Variants in ATRX observed in about 807,000 individuals in gnomAD.
ATRX encodes the protein ATRX chromatin remodeler.
A neutral mutation model predicts 172.6 loss-of-function variants in ATRX; 12 were observed. The ratio of observed to expected loss-of-function variants is 0.07; its 90% confidence interval spans 0.04 to 0.11. ATRX has a LOEUF of 0.11. ATRX is among the 10% of genes least tolerant of loss of function. The pLI is 1.00. For missense variants in ATRX, 1,368 were observed against 1,767.4 expected, an observed-to-expected ratio of 0.77 and a Z score of 4.05; for synonymous variants, 674 against 594.7, an observed-to-expected ratio of 1.13 and a Z score of -1.94.
Position 77,652,106 on chromosome X carries a change from T to A in ATRX, c.4557+8A>T. 8.3e-7 allele frequency: 1 copy of A among 1,207,340 alleles called. No homozygotes were observed. The highest frequency in any genetic ancestry group is 1.7e-5 in the African/African-American group (1 of 57,186). ...CAAAAGAAAAAGAAGAAGAAAGAAA[T>A]TAGTTACCTCTCTCAATTTTTCTCG... is the stretch of plus-strand genomic sequence containing the variant. On this transcript the variant is annotated splice_region_variant and intron_variant, in intron 15 of 34. Coordinates refer to ENST00000373344, the MANE Select transcript of ATRX (RefSeq NM_000489.6).
chrX:77,718,010 T>A (rs955851046), intron 1 of ATRX, among the ~76,000 whole-genome samples: 43 of 111,688 alleles, frequency 3.9e-4, no homozygotes, highest in African/African-American at 1.3e-3. Flanking sequence ...GGCACCTAAG[T>A]TATTATTTCC....
chrX:77,728,345 T>C (rs1377964989), intron 1 of ATRX, among the ~76,000 whole-genome samples: 1 of 112,420 alleles, frequency 8.9e-6, no homozygotes, highest in Non-Finnish European at 1.9e-5. Context: ...ACAGACATTT[T>C]ACATGAAAAT....
chrX:77,637,633 G>C (rs1202189009), intron 15 of ATRX, among the ~76,000 whole-genome samples: 3 of 110,703 alleles, frequency 2.7e-5, no homozygotes, highest in African/African-American at 6.6e-5. Flanking sequence ...AGAAACTCGT[G>C]ATTTTAAAAT....
intron 1 of ATRX, among the ~76,000 whole-genome samples, chrX:77,730,972 G>A (rs2074271520): frequency 9.3e-6 from 1 of 107,511 alleles, no homozygotes; most frequent in Admixed American, 1.0e-4. Context: ...AAATAATAAA[G>A]ATCAGAGTGA....
At chrX:77,608,706 A>C (rs1470222929) in intron 22 of ATRX, among the ~76,000 whole-genome samples, 1 of 112,272 alleles carries the variant, frequency 8.9e-6, no homozygotes, top group Non-Finnish European at 1.9e-5. Context: ...CCTCAAAAGC[A>C]GAAGCAACCA....
At chrX:77,633,855 G>GA in intron 17 of ATRX, 143 bp from the exon 18 acceptor site, 2 of 598,488 alleles carry the variant, frequency 3.3e-6, no homozygotes, top group South Asian at 6.0e-5. Context: ...CAGGGAAAGA[G>GA]ATAGTAAAAT....
At chrX:77,648,965 T>A (rs2069067728) in intron 15 of ATRX, among the ~76,000 whole-genome samples, 1 of 109,137 alleles carries the variant, frequency 9.2e-6, no homozygotes, top group Admixed American at 9.9e-5. Context: ...GGCCAGGGGG[T>A]CAAGACCAGC....
intron 13 of ATRX, among the ~76,000 whole-genome samples, 187 bp downstream of exon 13, chrX:77,656,373 A>AT (rs2069551854): frequency 8.9e-6 from 1 of 112,061 alleles, no homozygotes; most frequent in African/African-American, 3.2e-5. Flanking sequence ...GTTAGAATAC[A>AT]TAATTCAACT....
chrX:77,599,737 A>G lies in ATRX; in HGVS notation c.5781T>C (p.Tyr1927=). 1 of 1,206,333 alleles carries G rather than the reference A, an allele frequency of 8.3e-7. No homozygotes were observed. Among genetic ancestry groups the G allele is most frequent in the Non-Finnish European group, 1.1e-6 (1 of 890,890 alleles). ...CGAAAAAGTATTCGATTTACTTTGTATAATCATCGGAGCTTAAACTCATGG... is the reference window on the plus strand; with the variant it reads ...CGAAAAAGTATTCGATTTACTTTGTGTAATCATCGGAGCTTAAACTCATGG... The part of the protein sequence containing the change: ...ETSMSLSSDD[Y]TKKKKKGKKG... The change falls in exon 24 of 35, where the codon TAT becomes TAC. Residue 1927 remains tyrosine (Y), a synonymous_variant. Coordinates refer to ENST00000373344, the MANE Select transcript of ATRX (RefSeq NM_000489.6).
At chrX:77,763,810 T>G (rs1557194132) in intron 1 of ATRX, among the ~76,000 whole-genome samples, 1 of 111,451 alleles carries the variant, frequency 9.0e-6, no homozygotes, top group Non-Finnish European at 1.9e-5. Context: ...CTTGCAATTT[T>G]ACAGAATAAA....
intron 2 of ATRX, among the ~76,000 whole-genome samples, chrX:77,702,231 T>C (rs2072568773): frequency 9.0e-6 from 1 of 111,519 alleles, no homozygotes; most frequent in Admixed American, 9.5e-5. Context: ...TCACCAGAGG[T>C]CAGGAGTTCA....
At chrX:77,715,996 AC>A (rs1420949373) in intron 2 of ATRX, among the ~76,000 whole-genome samples, 2 of 109,751 alleles carry the variant, frequency 1.8e-5, no homozygotes, top group African/African-American at 6.6e-5. Context: ...GGAACCAGGT[AC>A]AATGGCTCAT....
At chrX:77,520,715 T>A in intron 34 of ATRX, 73 bp downstream of exon 34, 4 of 1,067,418 alleles carry the variant, frequency 3.7e-6, no homozygotes, top group Non-Finnish European at 5.1e-6. Context: ...CTGACGTAGA[T>A]GTCATACAAA....
intron 10 of ATRX, among the ~76,000 whole-genome samples, chrX:77,672,088 C>T (rs782807509): frequency 2.7e-5 from 3 of 110,555 alleles, no homozygotes; most frequent in African/African-American, 6.6e-5. Context: ...AAAAAATTAC[C>T]GTAAAATTGC....
chrX:77,657,903 G>T (rs951007554), intron 12 of ATRX, among the ~76,000 whole-genome samples: 1 of 111,910 alleles, frequency 8.9e-6, no homozygotes, highest in Non-Finnish European at 1.9e-5. Context: ...AAAGTTAACC[G>T]TGAGAGTAAT....
intron 22 of ATRX, chrX:77,616,112 T>A: frequency 1.3e-6 from 1 of 776,718 alleles, no homozygotes; most frequent in Non-Finnish European, 1.5e-6. Flanking sequence ...AACTAGAAGG[T>A]CTTCATAACA....
intron 30 of ATRX, among the ~76,000 whole-genome samples, chrX:77,539,828 GA>G (rs1557049955): frequency 8.9e-6 from 1 of 112,027 alleles, no homozygotes; most frequent in Non-Finnish European, 1.9e-5. Flanking sequence ...ACTAAACATG[GA>G]AAGGAACAAC....
chrX:77,736,563 A>G (rs1381321556), intron 1 of ATRX, among the ~76,000 whole-genome samples: 1 of 112,737 alleles, frequency 8.9e-6, no homozygotes, highest in Non-Finnish European at 1.9e-5. Flanking sequence ...AAGACAGGCA[A>G]TAACAAATGT....
At chrX:77,780,003 G>A (rs782186440) in intron 1 of ATRX, among the ~76,000 whole-genome samples, 10 of 111,909 alleles carry the variant, frequency 8.9e-5, no homozygotes, top group African/African-American at 1.9e-4. Context: ...ATTTTCAGAC[G>A]TACATCTTCA....
Sources: gnomAD v4.1 joint callset for allele counts (sites outside exome capture counted in the v4.1 genomes callset) on GRCh38, gnomAD v4.1.1 for gene constraint, MANE v1.5 for transcripts, NCBI Gene and HGNC (gene_info 2026-07-23, HGNC 2026-07-21) for gene names.